Variants in PSD3 observed in about 807,000 individuals in gnomAD.
The protein encoded by PSD3 is PH and SEC7 domain-containing protein 3.
Under a neutral mutation model 105.5 loss-of-function variants are expected in PSD3, and 49 were observed. The observed-to-expected ratio is 0.46, with a 90% CI of 0.37 to 0.59. The LOEUF is 0.59. Among genes scored for constraint, PSD3 ranks in the 20% least tolerant of loss-of-function variants. PSD3 has a pLI of 0.00. For missense variants in PSD3, 1,561 were observed against 1,263.8 expected (o/e 1.24, Z -3.57); for synonymous variants, 557 against 457.8 (o/e 1.22, Z -2.77).
chr8:18,930,680 C>T (rs1157665016), intron 2 of PSD3, among the ~76,000 whole-genome samples: 1 of 151,810 alleles, frequency 6.6e-6, no homozygotes, highest in Admixed American at 6.6e-5. Context: ...ACCGATTCTC[C>T]TGCCTCAGCT....
At chr8:18,677,935 G>A (rs1800156572) in intron 9 of PSD3, among the ~76,000 whole-genome samples, 2 of 151,764 alleles carry the variant, frequency 1.3e-5, no homozygotes, top group Non-Finnish European at 1.5e-5. Context: ...GTGTGAACCT[G>A]GGAGGCAGAG....
chr8:18,912,234 T>G (rs934191271), intron 2 of PSD3, among the ~76,000 whole-genome samples: 1 of 152,194 alleles, frequency 6.6e-6, no homozygotes, highest in Non-Finnish European at 1.5e-5. Context: ...CACTGGGATT[T>G]TGACAAACCT....
chr8:18,898,981 A>C (rs1819326205), intron 2 of PSD3, among the ~76,000 whole-genome samples: 1 of 152,180 alleles, frequency 6.6e-6, no homozygotes, highest in Non-Finnish European at 1.5e-5. Context: ...TCTTCTATAC[A>C]GTACCAATCC....
intron 2 of PSD3, among the ~76,000 whole-genome samples, chr8:18,894,078 G>C (rs904222631): frequency 6.6e-6 from 1 of 152,170 alleles, no homozygotes; most frequent in African/African-American, 2.4e-5. Context: ...CCAGCACATA[G>C]GAAATATTCA....
At chr8:18,536,116 A>G (rs543030427) in intron 15 of PSD3, among the ~76,000 whole-genome samples, 158 bp from the exon 16 acceptor site, 30 of 152,370 alleles carry the variant, frequency 2.0e-4, no homozygotes, top group African/African-American at 7.2e-4. Context: ...TACTGGGCAC[A>G]TGAGAGGCAA....
At chr8:19,024,665 AG>A (rs1827481549) in intron 1 of PSD3, among the ~76,000 whole-genome samples, 1 of 152,062 alleles carries the variant, frequency 6.6e-6, no homozygotes, top group Non-Finnish European at 1.5e-5. Context: ...ACATGATTAG[AG>A]GGGTAGAACT....
At chr8:18,907,949 G>T (rs1239179433) in intron 2 of PSD3, among the ~76,000 whole-genome samples, 2 of 152,118 alleles carry the variant, frequency 1.3e-5, no homozygotes, top group Admixed American at 1.3e-4. Context: ...AAGAATGACA[G>T]CAATATATCA....
At chr8:19,082,473 G>C (rs1027816346) in intron 1 of PSD3, among the ~76,000 whole-genome samples, 1 of 152,192 alleles carries the variant, frequency 6.6e-6, no homozygotes, top group Non-Finnish European at 1.5e-5. Flanking sequence ...GAGCTCTGGC[G>C]GGTTGCTCTC....
chr8:18,546,255 C>T (rs1345620728), intron 15 of PSD3, among the ~76,000 whole-genome samples: 3 of 152,156 alleles, frequency 2.0e-5, no homozygotes, highest in Non-Finnish European at 4.4e-5. Flanking sequence ...TCTCAGCCTC[C>T]CAAAGTGCTG....
chr8:19,074,266 T>G (rs926076989), intron 1 of PSD3, among the ~76,000 whole-genome samples: 7 of 152,080 alleles, frequency 4.6e-5, no homozygotes, highest in Admixed American at 2.6e-4. Context: ...GTTTCTGCTG[T>G]CTCTTAGCAA....
At chr8:18,890,732 C>G (rs2129459565) in intron 2 of PSD3, among the ~76,000 whole-genome samples, 1 of 151,692 alleles carries the variant, frequency 6.6e-6, no homozygotes, top group South Asian at 2.1e-4. Context: ...AGTAGCTAAG[C>G]TCATTGTCTT....
At chr8:18,695,295 T>C (rs1329478828) in intron 9 of PSD3, among the ~76,000 whole-genome samples, 1 of 152,184 alleles carries the variant, frequency 6.6e-6, no homozygotes, top group African/African-American at 2.4e-5. Context: ...CAACAGTCAT[T>C]GATACCTGTC....
chr8:18,792,930 T>G (rs982634087), intron 8 of PSD3, among the ~76,000 whole-genome samples: 7 of 152,190 alleles, frequency 4.6e-5, no homozygotes, highest in Non-Finnish European at 8.8e-5. Context: ...CCAGTCCAAA[T>G]GTCCATCAAT....
chr8:18,746,942 G>C (rs967763359), intron 9 of PSD3, among the ~76,000 whole-genome samples: 1 of 152,222 alleles, frequency 6.6e-6, no homozygotes, highest in African/African-American at 2.4e-5. Flanking sequence ...ATGCCCTTAG[G>C]CATGGATATT....
intron 1 of PSD3, among the ~76,000 whole-genome samples, chr8:19,010,776 G>A (rs1024064911): frequency 6.6e-6 from 1 of 152,050 alleles, no homozygotes; most frequent in African/African-American, 2.4e-5. Flanking sequence ...CATGGATCCT[G>A]TACTCTCCTA....
chr8:18,743,041 T>C (rs1030877593), intron 9 of PSD3, among the ~76,000 whole-genome samples: 1 of 152,226 alleles, frequency 6.6e-6, no homozygotes, highest in African/African-American at 2.4e-5. Flanking sequence ...GAAATAGTTT[T>C]CATGGCTGGT....
At chr8:18,929,631 C>T (rs933337444) in intron 2 of PSD3, among the ~76,000 whole-genome samples, 3 of 152,148 alleles carry the variant, frequency 2.0e-5, no homozygotes, top group African/African-American at 4.8e-5. Flanking sequence ...ACACACTCCA[C>T]ACAGCCAGAG....
chr8:18,576,428 A>G (rs1266451070), intron 12 of PSD3, among the ~76,000 whole-genome samples: 1 of 152,150 alleles, frequency 6.6e-6, no homozygotes, highest in Non-Finnish European at 1.5e-5. Flanking sequence ...TGGTATGATG[A>G]ATAAAGGAGA....
chr8:18,949,724 C>G (rs2129469973), intron 1 of PSD3, among the ~76,000 whole-genome samples: 1 of 152,124 alleles, frequency 6.6e-6, no homozygotes, highest in East Asian at 1.9e-4. Flanking sequence ...ATAAACTGAG[C>G]TCAGAGCATC....
Sources: gnomAD v4.1 joint callset for allele counts (sites outside exome capture counted in the v4.1 genomes callset) on GRCh38, gnomAD v4.1.1 for gene constraint, MANE v1.5 for transcripts, NCBI Gene and HGNC (gene_info 2026-07-23, HGNC 2026-07-21) for gene names.